RGS22: variants seen among roughly 807,000 people sequenced by gnomAD.
RGS22 encodes the protein regulator of G-protein signaling 22.
RGS22 carries 148 observed loss-of-function variants against 172.9 expected under a neutral mutation model. The observed-to-expected ratio is 0.86, with a 90% CI of 0.75 to 0.98. The LOEUF is 0.98. Among genes scored for constraint, RGS22 ranks in the 50% least tolerant of loss-of-function variants. The pLI, the probability that RGS22 is intolerant of heterozygous loss-of-function variation, is 0.00. For missense variants in RGS22, 1,347 were observed against 1,440.8 expected (o/e 0.93, Z 1.05); for synonymous variants, 458 against 480.2 (o/e 0.95, Z 0.60).
At chr8:100,060,486 A>C (rs1178705628) in intron 9 of RGS22, among the ~76,000 whole-genome samples, 1 of 149,694 alleles carries the variant, frequency 6.7e-6, no homozygotes, top group African/African-American at 2.4e-5. Flanking sequence ...TGTCACATAT[A>C]GAAGAATGTG....
intron 20 of RGS22, among the ~76,000 whole-genome samples, chr8:99,991,958 T>C (rs769604255): frequency 1.3e-5 from 2 of 152,164 alleles, no homozygotes; most frequent in Admixed American, 6.5e-5. Flanking sequence ...TGGGGGCCAA[T>C]ATTCAACATC....
intron 14 of RGS22, among the ~76,000 whole-genome samples, chr8:100,033,782 CA>C (rs1819121132): frequency 6.6e-6 from 1 of 152,164 alleles, no homozygotes; most frequent in Non-Finnish European, 1.5e-5. Flanking sequence ...GTTGGCTTTT[CA>C]TCCATGGCAT....
intron 2 of RGS22, among the ~76,000 whole-genome samples, chr8:100,096,714 G>A (rs1041589475): frequency 7.9e-6 from 1 of 125,804 alleles, no homozygotes; most frequent in African/African-American, 3.1e-5. Flanking sequence ...TCACTATATT[G>A]CCTATGCTGG....
At position 100,066,309 on chromosome 8, in the gene RGS22, G is replaced by A. The variant is rs781434209; in HGVS notation, c.595-13C>T. 3 of 1,609,388 alleles carry A rather than the reference G, an allele frequency of 1.9e-6. No individual in the cohort carries two copies. Among genetic ancestry groups the A allele is most frequent in the Non-Finnish European group, 2.6e-6 (3 of 1,176,408 alleles). On this transcript the variant is annotated splice_polypyrimidine_tract_variant and intron_variant, in intron 6 of 27. Coordinates refer to ENST00000360863, the MANE Select transcript of RGS22 (RefSeq NM_015668.5). ...GAGTATAGGAAGCCTAGGAAGAAGG[G>A]AGCATATTAGTTTAACATATGATTA... is the stretch of plus-strand genomic sequence containing the variant.
chr8:100,018,596 G>C (rs992833763), intron 14 of RGS22, among the ~76,000 whole-genome samples: 37 of 152,140 alleles, frequency 2.4e-4, no homozygotes, highest in African/African-American at 8.2e-4. Context: ...ATTCCTGTTT[G>C]CATCTTCAAG....
chr8:100,013,045 A>T (rs1389751138), intron 14 of RGS22, among the ~76,000 whole-genome samples: 1 of 132,814 alleles, frequency 7.5e-6, no homozygotes, highest in Non-Finnish European at 1.5e-5. Flanking sequence ...GCTGGAGTGC[A>T]GTGGCGTAAT....
rs114087737 is a variant in RGS22, at chr8:100,022,968, G to A, written c.2167-14399C>T. On this transcript the variant is annotated intron_variant, in intron 14 of 27. Coordinates refer to ENST00000360863, the MANE Select transcript of RGS22 (RefSeq NM_015668.5). ...TGGTCTCGAACTCCTAGGCTCAAGT[G>A]ATCTACGTGCCTTGGCCTCCCAAAA... Among the ~76,000 whole-genome samples the A allele has an allele frequency of 5.4e-3, 817 of 152,040 alleles. 7 individuals carry two copies. The highest frequency in any genetic ancestry group is 0.034 in the Middle Eastern group (10 of 294).
At chr8:100,045,153 A>G (rs1407980383) in intron 11 of RGS22, among the ~76,000 whole-genome samples, 1 of 152,020 alleles carries the variant, frequency 6.6e-6, no homozygotes, top group Non-Finnish European at 1.5e-5. Flanking sequence ...ACACACCTGT[A>G]GTCCTAGTTA....
chr8:100,051,472 ATTATATATATTT>A (rs1563669015), intron 10 of RGS22, among the ~76,000 whole-genome samples: 1 of 100,860 alleles, frequency 9.9e-6, no homozygotes, highest in Non-Finnish European at 1.8e-5. Flanking sequence ...ATAAATATAT[ATTATATATATTT>A]ATATATAATA....
intron 14 of RGS22, among the ~76,000 whole-genome samples, chr8:100,018,207 T>C (rs1178423028): frequency 9.3e-6 from 1 of 107,590 alleles, no homozygotes; most frequent in East Asian, 2.8e-4. Flanking sequence ...TCTTGGCATC[T>C]GTATCAAAAA....
chr8:100,045,575 T>TA (rs1380078167), intron 11 of RGS22, among the ~76,000 whole-genome samples: 1 of 151,970 alleles, frequency 6.6e-6, no homozygotes, highest in African/African-American at 2.4e-5. Flanking sequence ...AAGGAATGGT[T>TA]AAAAAAAGGC....
At chr8:100,018,655 C>T (rs967637840) in intron 14 of RGS22, among the ~76,000 whole-genome samples, 5 of 152,130 alleles carry the variant, frequency 3.3e-5, no homozygotes, top group African/African-American at 9.7e-5. Flanking sequence ...CTATATAATA[C>T]CTGCATTGTA....
chr8:99,982,830 T>C (rs1342207745), intron 21 of RGS22, among the ~76,000 whole-genome samples: 3 of 152,232 alleles, frequency 2.0e-5, no homozygotes, highest in Admixed American at 1.3e-4. Context: ...ACATTTATTT[T>C]AGACACGGGG....
intron 14 of RGS22, among the ~76,000 whole-genome samples, chr8:100,022,533 G>C (rs146068938): frequency 6.6e-6 from 1 of 151,868 alleles, no homozygotes; most frequent in East Asian, 1.9e-4. Context: ...AAATAAACAA[G>C]CACACAGAAA....
chr8:100,029,226 G>A (rs142001550), intron 14 of RGS22, among the ~76,000 whole-genome samples: 208 of 152,266 alleles, frequency 1.4e-3, no homozygotes, highest in African/African-American at 4.8e-3. Flanking sequence ...CACTAGCCCT[G>A]GCTGAGACCT....
intron 18 of RGS22, among the ~76,000 whole-genome samples, chr8:100,000,341 C>T (rs1814903896): frequency 1.3e-5 from 2 of 151,274 alleles, no homozygotes; most frequent in Admixed American, 1.3e-4. Context: ...TTAATAATAT[C>T]ATTAAATAAT....
chr8:99,969,037 C>A lies in RGS22; in HGVS notation c.3520-3607G>T, dbSNP rs74354510. ...GAAGACCATCAGACTGACAGCGGAT[C>A]TCTCGGCAGAAACCCCATAGGGTAA... On this transcript the variant is annotated intron_variant, in intron 23 of 27. Transcript: ENST00000360863. Among the ~76,000 whole-genome samples, 1,058 of 152,310 alleles carry A rather than the reference C, an allele frequency of 6.9e-3. 6 individuals are homozygous for A. The highest frequency in any genetic ancestry group is 9.3e-3 in the Non-Finnish European group (636 of 68,030).
intron 2 of RGS22, among the ~76,000 whole-genome samples, chr8:100,104,582 T>A (rs73276949): frequency 0.061 from 9,267 of 152,168 alleles, 934 homozygotes; most frequent in African/African-American, 0.21. Flanking sequence ...TCTCTCTTAG[T>A]CCCTGCTAGA....
At chr8:100,005,701 C>T (rs763297264) in intron 16 of RGS22, among the ~76,000 whole-genome samples, 5 of 152,098 alleles carry the variant, frequency 3.3e-5, no homozygotes, top group Non-Finnish European at 5.9e-5. Context: ...AGAGCAGCTG[C>T]CATATAGAAA....
Sources: allele counts gnomAD v4.1 joint callset (sites outside exome capture counted in the v4.1 genomes callset), GRCh38; gene constraint gnomAD v4.1.1; transcripts MANE v1.5; gene names NCBI Gene and HGNC (gene_info 2026-07-23, HGNC 2026-07-21).